PCDH15: variants seen among roughly 807,000 people sequenced by gnomAD.
PCDH15 encodes protocadherin related 15.
In PCDH15, 129 loss-of-function variants were observed where a neutral mutation model predicts 178.5. That is an observed-to-expected ratio of 0.72 (90% confidence interval 0.63 to 0.84). The LOEUF is 0.84. Among genes scored for constraint, PCDH15 ranks in the 40% least tolerant of loss-of-function variants. PCDH15 has a pLI of 0.00. For synonymous variants in PCDH15, 800 were observed against 732.0 expected (o/e 1.09, Z -1.50); for missense variants, 2,230 against 2,099.9 (o/e 1.06, Z -1.21).
chr10:54,631,614 T>C (rs1442829174), intron 2 of PCDH15, among the ~76,000 whole-genome samples: 1 of 152,150 alleles, frequency 6.6e-6, no homozygotes, highest in Non-Finnish European at 1.5e-5. Context: ...GTGTGTTCCA[T>C]CATAGCACTA....
chr10:54,173,264 C>A (rs1197542383), intron 13 of PCDH15, among the ~76,000 whole-genome samples: 1 of 152,116 alleles, frequency 6.6e-6, no homozygotes, highest in Non-Finnish European at 1.5e-5. Flanking sequence ...TACTTAAGGT[C>A]ATAAACTATA....
intron 2 of PCDH15, among the ~76,000 whole-genome samples, chr10:55,332,645 T>G (rs1271535316): frequency 6.6e-6 from 1 of 152,162 alleles, no homozygotes; most frequent in African/African-American, 2.4e-5. Context: ...TCCTATGTGT[T>G]GTGAAAGGGA....
intron 3 of PCDH15, among the ~76,000 whole-genome samples, chr10:54,428,586 G>T (rs1249630364): frequency 6.6e-6 from 1 of 152,136 alleles, no homozygotes; most frequent in Non-Finnish European, 1.5e-5. Context: ...CCTTACAAGT[G>T]CGTCCCAGAA....
intron 2 of PCDH15, among the ~76,000 whole-genome samples, chr10:54,898,447 T>A (rs1039752803): frequency 6.6e-6 from 1 of 152,112 alleles, no homozygotes; most frequent in African/African-American, 2.4e-5. Context: ...TCTAAGTTAA[T>A]ATTTAAGAGA....
intron 8 of PCDH15, among the ~76,000 whole-genome samples, chr10:54,247,370 T>C (rs2132024930): frequency 6.6e-6 from 1 of 152,122 alleles, no homozygotes; most frequent in East Asian, 1.9e-4. Context: ...AGACAGTACA[T>C]ATGGCACACG....
chr10:54,939,868 C>T (rs1007354486), intron 2 of PCDH15, among the ~76,000 whole-genome samples: 3 of 152,094 alleles, frequency 2.0e-5, no homozygotes, highest in African/African-American at 7.2e-5. Flanking sequence ...TAATCTAGTT[C>T]GTGAGATCAG....
chr10:55,287,280 A>G (rs1195236377), intron 1 of PCDH15, among the ~76,000 whole-genome samples: 3 of 152,130 alleles, frequency 2.0e-5, no homozygotes, highest in Admixed American at 6.6e-5. Flanking sequence ...AAATTTTACA[A>G]CGAGACTTTG....
intron 37 of PCDH15, among the ~76,000 whole-genome samples, chr10:53,810,162 G>T (rs762463679): frequency 5.9e-5 from 9 of 152,078 alleles, no homozygotes; most frequent in Admixed American, 1.3e-4. Flanking sequence ...ACTTTTCTCT[G>T]ATAATTGAAA....
chr10:54,926,613 T>C (rs1251575506), intron 2 of PCDH15, among the ~76,000 whole-genome samples: 2 of 152,160 alleles, frequency 1.3e-5, no homozygotes, highest in East Asian at 3.9e-4. Context: ...AGGCTATTTA[T>C]AACTGATTCA....
chr10:55,609,185 A>G (rs1300230558), intron 2 of PCDH15, among the ~76,000 whole-genome samples: 1 of 152,062 alleles, frequency 6.6e-6, no homozygotes, highest in African/African-American at 2.4e-5. Flanking sequence ...TAATTCTTAT[A>G]TGTGCAAAAA....
intron 2 of PCDH15, among the ~76,000 whole-genome samples, chr10:54,903,691 G>A (rs1303743661): frequency 6.6e-6 from 1 of 151,962 alleles, no homozygotes; most frequent in Non-Finnish European, 1.5e-5. Context: ...ATTATTGTAG[G>A]TATGACCATG....
At chr10:55,197,576 T>C (rs2132154264) in intron 1 of PCDH15, among the ~76,000 whole-genome samples, 1 of 152,210 alleles carries the variant, frequency 6.6e-6, no homozygotes, top group African/African-American at 2.4e-5. Context: ...AATTTTTTGA[T>C]TCTGGGTCAC....
At chr10:55,549,450 T>A (rs1841960696) in intron 2 of PCDH15, among the ~76,000 whole-genome samples, 1 of 152,156 alleles carries the variant, frequency 6.6e-6, no homozygotes, top group South Asian at 2.1e-4. Context: ...GTATATTTTC[T>A]TTTTAACAAG....
chr10:55,012,307 A>C (rs553830635), intron 2 of PCDH15, among the ~76,000 whole-genome samples: 1 of 152,220 alleles, frequency 6.6e-6, no homozygotes, highest in Non-Finnish European at 1.5e-5. Context: ...CAATACATAT[A>C]ATTGTTTTCT....
At chr10:54,514,627 T>A (rs1040041700) in intron 3 of PCDH15, among the ~76,000 whole-genome samples, 20 of 149,692 alleles carry the variant, frequency 1.3e-4, no homozygotes, top group African/African-American at 4.9e-4. Context: ...TGAAATAAAA[T>A]TGAAATAATT....
intron 1 of PCDH15, among the ~76,000 whole-genome samples, chr10:54,733,893 A>T (rs1943728769): frequency 6.6e-6 from 1 of 151,564 alleles, no homozygotes. Context: ...CCAAACGTAA[A>T]AACAAAAATG....
chr10:54,964,923 G>GTGT lies in PCDH15; in HGVS notation c.-79-67426_-79-67424dup, dbSNP rs776357180. ...AAAGAGCAGCCAACTCTGAGATAATGTGTTACAACTTCTGTAGCTTTTGCA... is the reference window on the plus strand; with the variant it reads ...AAAGAGCAGCCAACTCTGAGATAATGTGTTGTTACAACTTCTGTAGCTTTTGCA... On this transcript the variant is annotated intron_variant, in intron 2 of 5. Coordinates refer to the PCDH15 transcript ENST00000458638. Among the ~76,000 whole-genome samples, 235 of 152,264 alleles carry GTGT rather than the reference G, an allele frequency of 1.5e-3. 1 individual carries two copies. Among genetic ancestry groups the GTGT allele is most frequent in the Non-Finnish European group, 2.5e-3 (172 of 68,018 alleles).
chr10:54,288,275 G>A (rs1010764672), intron 8 of PCDH15, among the ~76,000 whole-genome samples: 2 of 152,140 alleles, frequency 1.3e-5, no homozygotes, highest in African/African-American at 4.8e-5. Context: ...AGCCGAGATT[G>A]TGCCACTGCA....
At chr10:54,496,929 C>G (rs1183847521) in intron 3 of PCDH15, among the ~76,000 whole-genome samples, 1 of 152,082 alleles carries the variant, frequency 6.6e-6, no homozygotes, top group Non-Finnish European at 1.5e-5. Flanking sequence ...TATGCCTAAA[C>G]ACATTATCAC....
Sources: allele counts gnomAD v4.1 joint callset (sites outside exome capture counted in the v4.1 genomes callset), GRCh38; gene constraint gnomAD v4.1.1; transcripts MANE v1.5; gene names NCBI Gene and HGNC (gene_info 2026-07-23, HGNC 2026-07-21).